Variants in HCN1 observed in about 807,000 individuals in gnomAD.
The protein encoded by HCN1 is hyperpolarization activated cyclic nucleotide gated potassium channel 1.
Under a neutral mutation model 78.9 loss-of-function variants are expected in HCN1, and 13 were observed. That is an observed-to-expected ratio of 0.16 (90% CI 0.11 to 0.26). HCN1 has a LOEUF of 0.26. Ranked by LOEUF, HCN1 falls within the 10% of genes least tolerant of loss-of-function variation. The pLI is 1.00. For missense variants in HCN1, 810 were observed against 1,154.3 expected, an observed-to-expected ratio of 0.70 and a Z score of 4.32; for synonymous variants, 552 against 455.5, an observed-to-expected ratio of 1.21 and a Z score of -2.70.
At chr5:45,353,824 A>G (rs1430776741) in intron 4 of HCN1, among the ~76,000 whole-genome samples, 3 of 151,958 alleles carry the variant, frequency 2.0e-5, no homozygotes, top group Non-Finnish European at 4.4e-5. Context: ...AGGATTTAGG[A>G]GAATATCACG....
intron 2 of HCN1, among the ~76,000 whole-genome samples, chr5:45,494,652 T>C (rs933597813): frequency 6.6e-6 from 1 of 152,066 alleles, no homozygotes; most frequent in African/African-American, 2.4e-5. Flanking sequence ...GCTTTTGGTG[T>C]TTTAGACATG....
chr5:45,291,476 G>A (rs768386868), intron 6 of HCN1, among the ~76,000 whole-genome samples: 4 of 152,000 alleles, frequency 2.6e-5, no homozygotes, highest in Non-Finnish European at 4.4e-5. Context: ...CAGGAGATTT[G>A]CACTTGTTAT....
At chr5:45,603,452 T>C (rs1351339856) in intron 2 of HCN1, among the ~76,000 whole-genome samples, 1 of 152,104 alleles carries the variant, frequency 6.6e-6, no homozygotes, top group Non-Finnish European at 1.5e-5. Flanking sequence ...TAATCTGGCA[T>C]CTAATTTTTA....
intron 1 of HCN1, among the ~76,000 whole-genome samples, chr5:45,659,003 G>A (rs1456634200): frequency 6.6e-6 from 1 of 150,402 alleles, no homozygotes; most frequent in Non-Finnish European, 1.5e-5. Flanking sequence ...TGGGGGCAGG[G>A]CACAGACAAA....
At chr5:45,491,171 T>C (rs192786107) in intron 2 of HCN1, among the ~76,000 whole-genome samples, 6 of 152,272 alleles carry the variant, frequency 3.9e-5, no homozygotes, top group Non-Finnish European at 5.9e-5. Context: ...AATATTAACA[T>C]GTATTGCCCT....
intron 2 of HCN1, among the ~76,000 whole-genome samples, chr5:45,637,132 G>A (rs1378838345): frequency 6.6e-6 from 1 of 152,020 alleles, no homozygotes; most frequent in Non-Finnish European, 1.5e-5. Flanking sequence ...AATTCCCTTG[G>A]AAGATTTCCC....
intron 5 of HCN1, among the ~76,000 whole-genome samples, chr5:45,338,921 C>G (rs1326159882): frequency 6.6e-6 from 1 of 152,042 alleles, no homozygotes; most frequent in Non-Finnish European, 1.5e-5. Flanking sequence ...CATGCTTTTT[C>G]CCTTCAAATA....
rs1279097180 is a variant in HCN1, at chr5:45,258,870, A to C, written c.*3051T>G. On this transcript the variant is annotated 3_prime_UTR_variant, in exon 8 of 8. Transcript: ENST00000303230. ...TGTCATAGAACTATTATAACAAAAT[A>C]GGTTTGTATAAATATATTACAGGAC... 1 of 152,000 alleles carries C rather than the reference A, an allele frequency of 6.6e-6. No homozygotes were observed. Among genetic ancestry groups the C allele is most frequent in the Non-Finnish European group, 1.5e-5 (1 of 67,940 alleles). The allele number at this position is 152,000 out of a possible 1,614,324, so 9.4% of individuals were successfully genotyped here.
intron 3 of HCN1, among the ~76,000 whole-genome samples, chr5:45,448,020 A>G (rs1740835098): frequency 6.6e-6 from 1 of 151,842 alleles, no homozygotes; most frequent in South Asian, 2.1e-4. Flanking sequence ...ATAAATTACA[A>G]AGATATTATG....
rs766768359 is a variant in HCN1 at position 45,262,645 on chromosome 5, G to A, written c.1949C>T (p.Thr650Ile). ...NYPQMTTLNSTSSTTTPTSRM... is the reference protein window; with the variant it reads ...NYPQMTTLNSISSTTTPTSRM... Reference sequence around the variant, plus strand: ...GGAGGTCGGGGTCGTAGTAGACGATGTGGAATTCAGGGTTGTCATTTGAGG... The same window carrying A: ...GGAGGTCGGGGTCGTAGTAGACGATATGGAATTCAGGGTTGTCATTTGAGG... Residue 650 changes from threonine (T) to isoleucine (I), a missense_variant, in exon 8 of 8, where the codon ACA (threonine) becomes ATA (isoleucine). By Grantham distance (89) the Thr-to-Ile change is moderately conservative. Transcript: ENST00000303230. 9 of 1,613,952 alleles carry A rather than the reference G, an allele frequency of 5.6e-6. No individual in the cohort carries two copies. The South Asian group carries it at 9.9e-5, about 18-fold the overall frequency.
intron 2 of HCN1, among the ~76,000 whole-genome samples, chr5:45,484,358 C>T (rs915560876): frequency 9.2e-5 from 14 of 151,990 alleles, no homozygotes; most frequent in African/African-American, 3.1e-4. Flanking sequence ...GGTGTGAACC[C>T]GGGAGGTGGA....
At chr5:45,441,053 T>G (rs965420955) in intron 3 of HCN1, among the ~76,000 whole-genome samples, 4 of 152,216 alleles carry the variant, frequency 2.6e-5, no homozygotes, top group South Asian at 2.1e-4. Flanking sequence ...TCTTCCTTCA[T>G]TTCCTTGAGT....
intron 2 of HCN1, among the ~76,000 whole-genome samples, chr5:45,569,819 TATC>T (rs956355564): frequency 6.6e-6 from 1 of 151,884 alleles, no homozygotes. Flanking sequence ...GCATCATTAT[TATC>T]ATCATCATCA....
At chr5:45,554,907 A>C (rs1743441581) in intron 2 of HCN1, among the ~76,000 whole-genome samples, 1 of 151,880 alleles carries the variant, frequency 6.6e-6, no homozygotes, top group Admixed American at 6.6e-5. Context: ...GAGGCTCAGA[A>C]ACTATGGAGC....
chr5:45,654,698 A>G (rs554010273), intron 1 of HCN1, among the ~76,000 whole-genome samples: 1 of 152,262 alleles, frequency 6.6e-6, no homozygotes, highest in South Asian at 2.1e-4. Flanking sequence ...TTTATTTTGA[A>G]GCTCAACTGA....
chr5:45,412,815 T>A (rs943563392), intron 3 of HCN1, among the ~76,000 whole-genome samples: 1 of 152,134 alleles, frequency 6.6e-6, no homozygotes, highest in South Asian at 2.1e-4. Flanking sequence ...GATCATCTCA[T>A]AAGAAATTAT....
At chr5:45,360,709 A>G (rs1025979851) in intron 4 of HCN1, among the ~76,000 whole-genome samples, 6 of 152,176 alleles carry the variant, frequency 3.9e-5, no homozygotes, top group Non-Finnish European at 8.8e-5. Flanking sequence ...TTTACATAGT[A>G]AGTCATATAA....
chr5:45,509,028 G>A (rs2111751530), intron 2 of HCN1, among the ~76,000 whole-genome samples: 1 of 152,176 alleles, frequency 6.6e-6, no homozygotes, highest in South Asian at 2.1e-4. Flanking sequence ...CCTGCCCAAA[G>A]CACATGAGTA....
chr5:45,348,511 T>C (rs1424428816), intron 5 of HCN1, among the ~76,000 whole-genome samples: 1 of 152,104 alleles, frequency 6.6e-6, no homozygotes, highest in East Asian at 1.9e-4. Context: ...AATTCACACA[T>C]AACGATATTA....
Sources: allele counts gnomAD v4.1 joint callset (sites outside exome capture counted in the v4.1 genomes callset), GRCh38; gene constraint gnomAD v4.1.1; transcripts MANE v1.5; gene names NCBI Gene and HGNC (gene_info 2026-07-23, HGNC 2026-07-21).